Variants in TET3 observed in about 807,000 individuals in gnomAD.
The protein encoded by TET3 is tet methylcytosine dioxygenase 3.
TET3 carries 19 observed loss-of-function variants against 141.4 expected under a neutral mutation model. The ratio of observed to expected loss-of-function variants is 0.13; its 90% confidence interval spans 0.09 to 0.20. TET3 has a LOEUF of 0.20. Ranked by LOEUF, TET3 falls within the 10% of genes least tolerant of loss-of-function variation. The pLI is 1.00. For synonymous variants in TET3, 1,043 were observed against 980.9 expected (o/e 1.06, Z -1.18); for missense variants, 1,874 against 2,356.9 (o/e 0.80, Z 4.24).
downstream of TET3, among the ~76,000 whole-genome samples, chr2:74,111,950 C>A (rs527348796): frequency 6.6e-6 from 1 of 152,176 alleles, no homozygotes; most frequent in African/African-American, 2.4e-5. Context: ...CAGGTTGCAA[C>A]AAAGTGGCTC....
At chr2:73,994,233 T>C (rs1684468048) in intron 2 of TET3, among the ~76,000 whole-genome samples, 1 of 152,008 alleles carries the variant, frequency 6.6e-6, no homozygotes, top group South Asian at 2.1e-4. Flanking sequence ...TCTGTCAGAG[T>C]GGTCACATGC....
chr2:74,078,478 A>G (rs1253152144), intron 5 of TET3, among the ~76,000 whole-genome samples: 2 of 152,150 alleles, frequency 1.3e-5, no homozygotes, highest in Non-Finnish European at 2.9e-5. Context: ...AATTCTACCT[A>G]ATCATTTTTG....
Position 74,101,934 on chromosome 2 carries a change from C to G in TET3, c.5146C>G (p.Leu1716Val), listed in dbSNP as rs372228059. Residue 1716 changes from leucine (L) to valine (V), a missense_variant, in exon 12 of 12, where the codon CTG becomes GTG. This residue lies in a region of TET3 where 113 missense variants were observed against 114.3 expected (regional missense o/e 0.99). Coordinates refer to ENST00000409262, the MANE Select transcript of TET3 (RefSeq NM_001287491.2). The surrounding 1 kb of genome is among the most constrained non-coding windows in gnomAD (Gnocchi z 8.5). ...CCTCTGGGAAGCCAAGATGAAGCAGCTGGCGGAGAGGGCACGGGCACGGCA... is the reference window on the plus strand; with the variant it reads ...CCTCTGGGAAGCCAAGATGAAGCAGGTGGCGGAGAGGGCACGGGCACGGCA... Reference protein sequence around the residue: ...LALWEAKMKQLAERARARQEE... With the variant: ...LALWEAKMKQVAERARARQEE... The G allele has an allele frequency of 6.2e-7, 1 of 1,613,330 alleles. No homozygotes were observed. The highest frequency in any genetic ancestry group is 8.5e-7 in the Non-Finnish European group (1 of 1,179,692).
At position 74,105,732 on chromosome 2, in the gene TET3, T is replaced by G. The variant is rs560764380; in HGVS notation, c.*3556T>G. 3 of 207,460 alleles carry G rather than the reference T, an allele frequency of 1.4e-5. No homozygotes were observed. In the East Asian group the frequency reaches 3.2e-4, roughly 22 times the overall value. The allele number at this position is 207,460 out of a possible 1,614,324, so 12.9% of individuals were successfully genotyped here. ...AAAGAAGTAGCAGAGCTTAACTGCT[T>G]TGTACCACACAGCAGTAGATGTGCA... On this transcript the variant is annotated 3_prime_UTR_variant, in exon 12 of 12. Coordinates refer to ENST00000409262, the MANE Select transcript of TET3 (RefSeq NM_001287491.2).
chr2:74,002,076 G>C (rs1325521234), intron 2 of TET3, among the ~76,000 whole-genome samples: 1 of 152,158 alleles, frequency 6.6e-6, no homozygotes, highest in Non-Finnish European at 1.5e-5. Flanking sequence ...CTGGAGCAGG[G>C]AGGAGCAGAG....
At chr2:74,079,355 GA>G (rs973126098) in intron 5 of TET3, among the ~76,000 whole-genome samples, 6 of 150,226 alleles carry the variant, frequency 4.0e-5, no homozygotes, top group African/African-American at 7.3e-5. Context: ...CAAAAAGAAA[GA>G]AAAAAAAAGA....
chr2:74,101,507 C>T lies in TET3; in HGVS notation c.4719C>T (p.Ser1573=). 6.2e-7 allele frequency: 1 copy of T among 1,612,684 alleles called. No homozygotes were observed. Among genetic ancestry groups the T allele is most frequent in the Non-Finnish European group, 8.5e-7 (1 of 1,179,408 alleles). The change falls in exon 12 of 12, where the codon AGC becomes AGT. Residue 1573 remains serine (S), a synonymous_variant. Transcript: ENST00000409262. The surrounding 1 kb of genome is among the most constrained non-coding windows in gnomAD (Gnocchi z 8.5). ...GCAGGATTCCAGCCGCAGGGGCCAGCCAGCTGGACAGGGCCTGGCAGTCCT... is the reference window on the plus strand; with the variant it reads ...GCAGGATTCCAGCCGCAGGGGCCAGTCAGCTGGACAGGGCCTGGCAGTCCT... ...EEGRIPAAGA[S]QLDRAWQSFG...
the TET3 span, chr2:74,134,991 G>A: frequency 1.2e-3 from 313 of 270,586 alleles, 3 homozygotes; most frequent in East Asian, 0.03. Context: ...TGTGAGGGAG[G>A]CAGGGAAAGT....
At position 74,048,267 on chromosome 2, in the gene TET3, C is replaced by T. The variant is rs1168827850; in HGVS notation, c.2350C>T (p.Pro784Ser). The change falls in exon 4 of 12, where the codon CCC (proline) becomes TCC (serine). Residue 784 changes from proline to serine, a missense_variant. This residue lies in a region of TET3 where 83 missense variants were observed against 107.0 expected (regional missense o/e 0.78). Transcript: ENST00000409262. ...AGAGGAGGGAGGACAGGAGGCCACA[C>T]CCACCAAGGCTGAGAACCCACTCAC... is the stretch of plus-strand genomic sequence containing the variant. Reference protein sequence around the residue: ...HSEEGGQEATPTKAENPLTPT... With the variant: ...HSEEGGQEATSTKAENPLTPT... The T allele has an allele frequency of 6.2e-7, 1 of 1,613,866 alleles. No homozygotes were observed. Among genetic ancestry groups the T allele is most frequent in the East Asian group, 2.2e-5 (1 of 44,872 alleles).
chr2:74,036,745 C>G (rs1430297846), intron 3 of TET3, among the ~76,000 whole-genome samples: 1 of 152,186 alleles, frequency 6.6e-6, no homozygotes, highest in Non-Finnish European at 1.5e-5. Flanking sequence ...ATCAGAGTCA[C>G]GTAGAGACTT....
rs146853773 is a variant in TET3 at position 74,042,558 on chromosome 2, C to T, written c.361-3720C>T. ...AAACAAACTTGTGGGAGATTTGGCC[C>T]GAAGCTCTCACCTTTGTGACCTGTC... On this transcript the variant is annotated intron_variant, in intron 3 of 11. Coordinates refer to ENST00000409262, the MANE Select transcript of TET3 (RefSeq NM_001287491.2). Among the ~76,000 whole-genome samples, 1,172 of 152,272 alleles carry T rather than the reference C, an allele frequency of 7.7e-3. 15 individuals are homozygous for T. The highest frequency in any genetic ancestry group is 0.026 in the African/African-American group (1,099 of 41,548).
rs1434798261 is a variant in TET3 at position 74,048,013 on chromosome 2, C to T, written c.2096C>T (p.Pro699Leu). 1 of 1,608,914 alleles carries T rather than the reference C, an allele frequency of 6.2e-7. No homozygotes were observed. The highest frequency in any genetic ancestry group is 8.5e-7 in the Non-Finnish European group (1 of 1,177,328). The change falls in exon 4 of 12, where the codon CCT (proline) becomes CTT (leucine). Residue 699 changes from proline (P) to leucine (L), a missense_variant. Physicochemically the swap from Pro to Leu is moderately conservative, Grantham distance 98. This residue lies in a region of TET3 where 484 missense variants were observed against 462.2 expected (regional missense o/e 1.05). Coordinates refer to ENST00000409262, the MANE Select transcript of TET3 (RefSeq NM_001287491.2). ...MTALQPGSTG[P>L]LPPADDKLEE... ...GCCTTGCAGCCAGGCTCCACTGGCCCTCTTCCCCCTGCCGATGACAAGCTG... is the reference window on the plus strand; with the variant it reads ...GCCTTGCAGCCAGGCTCCACTGGCCTTCTTCCCCCTGCCGATGACAAGCTG...
At chr2:74,015,240 G>A (rs1273681038) in intron 3 of TET3, among the ~76,000 whole-genome samples, 1 of 152,186 alleles carries the variant, frequency 6.6e-6, no homozygotes, top group East Asian at 1.9e-4. Flanking sequence ...AAGAAAGGAT[G>A]GACTTTTGAG....
intron 2 of TET3, among the ~76,000 whole-genome samples, chr2:73,991,933 CTAGTG>C (rs1684346737): frequency 1.3e-5 from 2 of 151,722 alleles, no homozygotes; most frequent in African/African-American, 4.8e-5. Flanking sequence ...GGGCTGTTCT[CTAGTG>C]AGTGAGGGGG....
the TET3 span, among the ~76,000 whole-genome samples, chr2:74,129,018 G>T: frequency 1.1e-5 from 1 of 91,444 alleles, no homozygotes; most frequent in Admixed American, 1.1e-4. Context: ...AAAAAAAAAA[G>T]GCTGGGCATG....
At chr2:74,114,376 G>A in the TET3 span, among the ~76,000 whole-genome samples, 1 of 151,938 alleles carries the variant, frequency 6.6e-6, no homozygotes, top group Non-Finnish European at 1.5e-5. Flanking sequence ...TTGGGTGATA[G>A]GTGCACTAAA....
At position 74,046,228 on chromosome 2, in the gene TET3, A is replaced by G. The variant is rs1278510652; in HGVS notation, c.361-50A>G. On this transcript the variant is annotated intron_variant, in intron 3 of 11. Transcript: ENST00000409262. This position sits in a 1 kb window ranked among gnomAD's most constrained non-coding sequence, Gnocchi z 4.3. ...GGTATGAAGCAGGGAAATGCTTTTC[A>G]AATAGTGTGGTTCATTTTTTTCCTT... 3 of 1,462,358 alleles carry G rather than the reference A, an allele frequency of 2.1e-6. No homozygotes were observed. The highest frequency in any genetic ancestry group is 2.7e-6 in the Non-Finnish European group (3 of 1,105,548). The allele number at this position is 1,462,358 out of a possible 1,614,324, so 90.6% of individuals were successfully genotyped here.
At chr2:74,070,494 G>A (rs868074891) in intron 4 of TET3, among the ~76,000 whole-genome samples, 2 of 152,180 alleles carry the variant, frequency 1.3e-5, no homozygotes, top group African/African-American at 4.8e-5. Flanking sequence ...TTTGGGTGGG[G>A]ACACAGCTAG....
chr2:74,089,457 A>G (rs1316232249), intron 7 of TET3, among the ~76,000 whole-genome samples: 2 of 152,190 alleles, frequency 1.3e-5, no homozygotes, highest in African/African-American at 4.8e-5. Flanking sequence ...TTTTCATCTC[A>G]GTATACTTTG....
Sources: gnomAD v4.1 joint callset for allele counts (sites outside exome capture counted in the v4.1 genomes callset) on GRCh38, gnomAD v4.1.1 for gene constraint, gnomAD v4.1.1 regional missense constraint, Gnocchi (gnomAD v3.1) non-coding constraint, MANE v1.5 for transcripts, NCBI Gene and HGNC (gene_info 2026-07-23, HGNC 2026-07-21) for gene names.